The following HECW1 variants were observed in gnomAD, a reference collection of about 807,000 sequenced individuals.
HECW1 encodes HECT, C2 and WW domain containing E3 ubiquitin protein ligase 1, also known as E3 ubiquitin-protein ligase HECW1.
HECW1 carries 61 observed loss-of-function variants against 182.3 expected under a neutral mutation model. The ratio of observed to expected loss-of-function variants is 0.33; its 90% CI spans 0.27 to 0.41. The LOEUF (loss-of-function observed/expected upper bound fraction) is 0.41, where lower values mean the gene tolerates loss of function less well. Among genes scored for constraint, HECW1 ranks in the 10% least tolerant of loss-of-function variants. HECW1 has a pLI of 1.00. For missense variants in HECW1, 1,739 were observed against 2,108.9 expected (o/e 0.82, Z 3.44); for synonymous variants, 859 against 832.6 (o/e 1.03, Z -0.55).
intron 8 of HECW1, among the ~76,000 whole-genome samples, chr7:43,425,240 C>CACAA (rs2076319795): frequency 1.3e-5 from 2 of 151,818 alleles, no homozygotes. Context: ...CACACACACA[C>CACAA]ACACACACGT....
At position 43,383,182 on chromosome 7, in the gene HECW1, T is replaced by C. The variant is rs1005548870; in HGVS notation, c.556-13632T>C. 5.9e-5 allele frequency among the ~76,000 whole-genome samples: 9 copies of C among 152,254 alleles called. 1 individual carries two copies. The highest frequency in any genetic ancestry group is 1.3e-4 in the Non-Finnish European group (9 of 68,046). On this transcript the variant is annotated intron_variant, in intron 6 of 29. Transcript: ENST00000395891. The stretch of plus-strand genomic sequence containing the variant: ...CACATTTTCTTTATCCAGTCTATCA[T>C]TGATGGGTATTCGGGTTGGTTCCAA...
At chr7:43,256,733 A>G (rs1369590771) in intron 3 of HECW1, among the ~76,000 whole-genome samples, 2 of 152,122 alleles carry the variant, frequency 1.3e-5, no homozygotes, top group African/African-American at 4.8e-5. Flanking sequence ...CAAGGGAGTG[A>G]TAAGATAAGT....
intron 24 of HECW1, among the ~76,000 whole-genome samples, chr7:43,513,141 T>C (rs929256992): frequency 3.9e-5 from 6 of 152,224 alleles, no homozygotes; most frequent in Non-Finnish European, 7.3e-5. Context: ...CTCTTCCTTC[T>C]ACCAGGGTTA....
At chr7:43,338,977 G>A (rs1362114631) in intron 5 of HECW1, among the ~76,000 whole-genome samples, 1 of 152,124 alleles carries the variant, frequency 6.6e-6, no homozygotes. Context: ...TCAAAGTTAG[G>A]TGTTTTTCTC....
chr7:43,231,441 T>C (rs761558698), intron 2 of HECW1, among the ~76,000 whole-genome samples: 11 of 152,204 alleles, frequency 7.2e-5, no homozygotes, highest in Non-Finnish European at 1.6e-4. Context: ...TTAGAATTCC[T>C]CAAACTATTG....
At chr7:43,181,626 G>A (rs1792866620) in intron 2 of HECW1, among the ~76,000 whole-genome samples, 1 of 150,606 alleles carries the variant, frequency 6.6e-6, no homozygotes, top group Non-Finnish European at 1.5e-5. Context: ...TTGACTATTT[G>A]TATTCTTTTG....
chr7:43,324,657 C>T (rs530104660), intron 5 of HECW1, among the ~76,000 whole-genome samples: 4 of 152,172 alleles, frequency 2.6e-5, no homozygotes, highest in Non-Finnish European at 4.4e-5. Flanking sequence ...TGCAGTCTCC[C>T]GGCAGTAATA....
intron 2 of HECW1, among the ~76,000 whole-genome samples, chr7:43,132,173 C>T (rs112461540): frequency 2.2e-3 from 337 of 151,944 alleles, no homozygotes; most frequent in African/African-American, 7.4e-3. Context: ...AGCGCCCCCC[C>T]GCCCCAAGTA....
At chr7:43,161,988 C>G (rs575391798) in intron 2 of HECW1, among the ~76,000 whole-genome samples, 1 of 152,342 alleles carries the variant, frequency 6.6e-6, no homozygotes, top group African/African-American at 2.4e-5. Context: ...ATGGTGGCAT[C>G]TGTCACTTGC....
chr7:43,466,606 G>C (rs200259500), intron 15 of HECW1, 38 bp downstream of exon 15: 4 of 1,600,338 alleles, frequency 2.5e-6, no homozygotes, highest in Non-Finnish European at 3.4e-6. Flanking sequence ...GGCCTGGCTC[G>C]GCAAGACCCA....
chr7:43,399,874 T>C (rs552215488), intron 7 of HECW1, among the ~76,000 whole-genome samples: 1 of 152,220 alleles, frequency 6.6e-6, no homozygotes, highest in Non-Finnish European at 1.5e-5. Context: ...TAGTTGGCTA[T>C]GTATATGTAT....
chr7:43,255,014 AGTCCAGTG>A (rs1178940851), intron 3 of HECW1, among the ~76,000 whole-genome samples: 3 of 152,200 alleles, frequency 2.0e-5, no homozygotes, highest in African/African-American at 7.2e-5. Context: ...CTTTACACTC[AGTCCAGTG>A]ATCCATAATT....
intron 6 of HECW1, 129 bp from the exon 7 acceptor site, chr7:43,396,685 C>G: frequency 3.1e-6 from 2 of 639,564 alleles, no homozygotes. Context: ...TCAATAGTTG[C>G]CCAGTGAAAT....
At chr7:43,179,839 T>C (rs1792640509) in intron 2 of HECW1, among the ~76,000 whole-genome samples, 1 of 152,198 alleles carries the variant, frequency 6.6e-6, no homozygotes. Context: ...AAAACATGAT[T>C]GAGATTTATT....
At chr7:43,299,279 C>T (rs557966815) in intron 3 of HECW1, among the ~76,000 whole-genome samples, 4 of 152,274 alleles carry the variant, frequency 2.6e-5, no homozygotes, top group East Asian at 3.9e-4. Context: ...TCCACGAGGC[C>T]GGAATCGGTG....
chr7:43,484,448 C>T (rs1408010796), intron 17 of HECW1: 3 of 152,080 alleles, frequency 2.0e-5, no homozygotes, highest in East Asian at 3.8e-4. Context: ...TTCTGTGTCC[C>T]GTATCACAGG....
At chr7:43,267,751 T>C (rs1171499593) in intron 3 of HECW1, among the ~76,000 whole-genome samples, 1 of 152,100 alleles carries the variant, frequency 6.6e-6, no homozygotes, top group African/African-American at 2.4e-5. Context: ...TATAAAATTA[T>C]GTATAGTTCA....
At chr7:43,389,419 A>G (rs1490249144) in intron 6 of HECW1, among the ~76,000 whole-genome samples, 1 of 152,224 alleles carries the variant, frequency 6.6e-6, no homozygotes, top group Non-Finnish European at 1.5e-5. Context: ...ACTAGAGCAG[A>G]TGCCACTCAA....
In HECW1 at chr7:43,437,627, T is replaced by C. The variant is rs142766940; in HGVS notation, c.802-376T>C. Among the ~76,000 whole-genome samples the C allele has an allele frequency of 2.6e-5, 4 of 152,328 alleles. No homozygotes were observed. In the East Asian group the frequency reaches 7.7e-4, roughly 29 times the overall value. On this transcript the variant is annotated intron_variant, in intron 8 of 29. Transcript: ENST00000395891. ...CTAGAAATCTCTTCCATCATAATCA[T>C]GAAAAACCATATTGCATTGTTTATT...
Sources: allele counts gnomAD v4.1 joint callset (sites outside exome capture counted in the v4.1 genomes callset), GRCh38; gene constraint gnomAD v4.1.1; transcripts MANE v1.5; gene names NCBI Gene and HGNC (gene_info 2026-07-23, HGNC 2026-07-21).